APBA1: variants seen among roughly 807,000 people sequenced by gnomAD.
APBA1 encodes the protein amyloid-beta A4 precursor protein-binding family A member 1.
A neutral mutation model predicts 86.6 loss-of-function variants in APBA1; 55 were observed. That is an observed-to-expected ratio of 0.64 (90% CI 0.51 to 0.80). APBA1 has a LOEUF of 0.80. APBA1 is among the 30% of genes least tolerant of loss of function. The pLI is 0.00. For synonymous variants in APBA1, 511 were observed against 493.9 expected (o/e 1.03, Z -0.46); for missense variants, 1,090 against 1,183.0 (o/e 0.92, Z 1.15).
chr9:69,598,299 G>A (rs923723816), intron 1 of APBA1, among the ~76,000 whole-genome samples: 5 of 152,112 alleles, frequency 3.3e-5, no homozygotes, highest in African/African-American at 9.7e-5. Context: ...GGGGGCACGG[G>A]GGAGGGATAG....
chr9:69,557,164 T>C (rs993321524), intron 1 of APBA1, among the ~76,000 whole-genome samples: 8 of 152,198 alleles, frequency 5.3e-5, no homozygotes, highest in African/African-American at 1.9e-4. Context: ...TGAGACAATT[T>C]GATATCTAAG....
intron 2 of APBA1, among the ~76,000 whole-genome samples, chr9:69,512,102 A>G (rs1836058253): frequency 6.6e-6 from 1 of 151,936 alleles, no homozygotes; most frequent in Admixed American, 6.5e-5. Flanking sequence ...ATAAAAAGAA[A>G]AAAAGAAAAG....
intron 2 of APBA1, among the ~76,000 whole-genome samples, chr9:69,486,742 T>A (rs985779387): frequency 5.3e-5 from 8 of 151,850 alleles, no homozygotes; most frequent in African/African-American, 1.7e-4. Context: ...AGGTGAGAAA[T>A]GAGGCTGCGG....
intron 2 of APBA1, among the ~76,000 whole-genome samples, chr9:69,501,757 G>C (rs1835883867): frequency 6.6e-6 from 1 of 152,070 alleles, no homozygotes; most frequent in African/African-American, 2.4e-5. Flanking sequence ...GAGCCCAGGA[G>C]TGTGAGGCTG....
At chr9:69,584,821 A>G (rs1215807576) in intron 1 of APBA1, among the ~76,000 whole-genome samples, 1 of 152,238 alleles carries the variant, frequency 6.6e-6, no homozygotes, top group Non-Finnish European at 1.5e-5. Context: ...TTACTCTTAG[A>G]GTAACTAACA....
intron 1 of APBA1, among the ~76,000 whole-genome samples, chr9:69,532,184 A>C (rs1277760757): frequency 2.6e-5 from 4 of 152,116 alleles, no homozygotes; most frequent in Non-Finnish European, 4.4e-5. Context: ...CAGAGGGGGA[A>C]GGGGGAATAT....
intron 1 of APBA1, among the ~76,000 whole-genome samples, chr9:69,592,378 T>C (rs1822147325): frequency 6.6e-6 from 1 of 152,212 alleles, no homozygotes; most frequent in East Asian, 1.9e-4. Flanking sequence ...GGAGGCTTGC[T>C]GAAGGCCAGG....
At chr9:69,565,290 C>T (rs1003807458) in intron 1 of APBA1, among the ~76,000 whole-genome samples, 3 of 151,984 alleles carry the variant, frequency 2.0e-5, no homozygotes, top group Non-Finnish European at 2.9e-5. Flanking sequence ...GGTGTAGGTG[C>T]GGACCCCAGC....
intron 3 of APBA1, chr9:69,474,291 C>T (rs185794620): frequency 3.0e-4 from 46 of 152,278 alleles, no homozygotes; most frequent in Admixed American, 2.9e-3. Flanking sequence ...GTTAAGAGCA[C>T]GGGTTCCCAT....
chr9:69,434,285 C>T (rs1384374309), intron 11 of APBA1, among the ~76,000 whole-genome samples: 2 of 152,154 alleles, frequency 1.3e-5, no homozygotes, highest in African/African-American at 4.8e-5. Context: ...GGCAGTCCTG[C>T]ATGTCACAGA....
chr9:69,633,050 T>C (rs943819068), intron 1 of APBA1, among the ~76,000 whole-genome samples: 3 of 151,312 alleles, frequency 2.0e-5, no homozygotes, highest in African/African-American at 7.3e-5. Context: ...CTAACAGCTA[T>C]AGCTACTCTG....
At chr9:69,660,044 T>A (rs1204240396) in intron 1 of APBA1, among the ~76,000 whole-genome samples, 3 of 152,178 alleles carry the variant, frequency 2.0e-5, no homozygotes, top group Non-Finnish European at 4.4e-5. Context: ...CAATCCTTAT[T>A]ATAGAGTAAC....
chr9:69,551,349 C>T (rs1588357795), intron 1 of APBA1, among the ~76,000 whole-genome samples: 1 of 152,010 alleles, frequency 6.6e-6, no homozygotes, highest in Non-Finnish European at 1.5e-5. Context: ...GTCAGGAGTT[C>T]GAGACCAGCC....
chr9:69,551,280 G>A (rs374485831), intron 1 of APBA1, among the ~76,000 whole-genome samples: 7 of 152,124 alleles, frequency 4.6e-5, no homozygotes, highest in Admixed American at 2.0e-4. Flanking sequence ...CTGGCTGGGC[G>A]CGGTGGCTCA....
chr9:69,486,296 C>T (rs981554844), intron 2 of APBA1, among the ~76,000 whole-genome samples: 11 of 152,058 alleles, frequency 7.2e-5, no homozygotes, highest in Non-Finnish European at 1.5e-4. Flanking sequence ...GCAAAGACAG[C>T]ACTTCTCGTG....
chr9:69,595,658 T>C (rs1207635684), intron 1 of APBA1, among the ~76,000 whole-genome samples: 1 of 152,182 alleles, frequency 6.6e-6, no homozygotes, highest in Non-Finnish European at 1.5e-5. Flanking sequence ...ATGTTCGAAG[T>C]TGCTCAATCT....
At chr9:69,471,785 C>T (rs892616615) in intron 3 of APBA1, 90 bp from the exon 4 acceptor site, 5 of 1,025,748 alleles carry the variant, frequency 4.9e-6, no homozygotes, top group African/African-American at 1.6e-5. Flanking sequence ...AAAATAAATA[C>T]ATAATCAGTG....
At chr9:69,639,822 T>G (rs1310137662) in intron 1 of APBA1, among the ~76,000 whole-genome samples, 2 of 152,208 alleles carry the variant, frequency 1.3e-5, no homozygotes, top group African/African-American at 4.8e-5. Flanking sequence ...GAGGGAATAG[T>G]AAAATCTGAA....
In APBA1 at chr9:69,663,160, T is replaced by C. The variant is rs139598698; in HGVS notation, c.-70+8993A>G. ...GATTACTTCAGTGGGTTGGCAAACA[T>C]ACAGAACAGAAGAGAATAGGATAGG... On this transcript the variant is annotated intron_variant, in intron 1 of 12. Coordinates refer to ENST00000265381, the MANE Select transcript of APBA1 (RefSeq NM_001163.4). 6.3e-3 allele frequency among the ~76,000 whole-genome samples: 966 copies of C among 152,328 alleles called. 7 individuals carry two copies. Among genetic ancestry groups the C allele is most frequent in the Middle Eastern group, 0.01 (3 of 294 alleles).
Sources: allele counts gnomAD v4.1 joint callset (sites outside exome capture counted in the v4.1 genomes callset), GRCh38; gene constraint gnomAD v4.1.1; transcripts MANE v1.5; gene names NCBI Gene and HGNC (gene_info 2026-07-23, HGNC 2026-07-21).